Variants in POLA1 observed in about 807,000 individuals in gnomAD.
POLA1 encodes DNA polymerase alpha 1, catalytic subunit, also known as DNA polymerase alpha catalytic subunit.
Under a neutral mutation model 124.0 loss-of-function variants are expected in POLA1, and 15 were observed. The observed-to-expected ratio is 0.12, with a 90% CI of 0.08 to 0.19. The LOEUF (loss-of-function observed/expected upper bound fraction) is 0.19, where lower values mean the gene tolerates loss of function less well. Among genes scored for constraint, POLA1 ranks in the 10% least tolerant of loss-of-function variants. The pLI is 1.00. For missense variants in POLA1, 886 were observed against 1,103.4 expected, an observed-to-expected ratio of 0.80 and a Z score of 2.79; for synonymous variants, 408 against 389.4, an observed-to-expected ratio of 1.05 and a Z score of -0.56.
chrX:24,771,574 G>C (rs1395466281), intron 26 of POLA1, among the ~76,000 whole-genome samples: 1 of 111,302 alleles, frequency 9.0e-6, no homozygotes, highest in Non-Finnish European at 1.9e-5. Context: ...GGAAGACAAG[G>C]AGTGTTGGTT....
At chrX:24,885,954 A>G (rs1003768914) in intron 34 of POLA1, among the ~76,000 whole-genome samples, 5 of 112,567 alleles carry the variant, frequency 4.4e-5, no homozygotes, top group African/African-American at 1.3e-4. Flanking sequence ...AGTTTCAGAA[A>G]TAGTAAAACG....
At chrX:24,994,381 G>GT (rs2048574034) in intron 36 of POLA1, among the ~76,000 whole-genome samples, 1 of 112,703 alleles carries the variant, frequency 8.9e-6, no homozygotes, top group Non-Finnish European at 1.9e-5. Context: ...CGGGTGTTTT[G>GT]TAGACTTCCC....
intron 29 of POLA1, among the ~76,000 whole-genome samples, chrX:24,813,540 G>A (rs921068586): frequency 2.7e-5 from 3 of 112,555 alleles, no homozygotes; most frequent in Admixed American, 9.3e-5. Flanking sequence ...TAGGCCGGGT[G>A]CAGTGGCTCA....
intron 36 of POLA1, among the ~76,000 whole-genome samples, chrX:24,945,769 A>T (rs2047954208): frequency 9.0e-6 from 1 of 111,083 alleles, no homozygotes; most frequent in Non-Finnish European, 1.9e-5. Flanking sequence ...ATTAAGTTTG[A>T]CTTTGATATA....
chrX:24,776,945 A>C (rs2045150912), intron 26 of POLA1, among the ~76,000 whole-genome samples: 1 of 112,158 alleles, frequency 8.9e-6, no homozygotes, highest in Non-Finnish European at 1.9e-5. Flanking sequence ...ACTCAAGCAA[A>C]TCTTTTGTTT....
chrX:24,912,452 C>T (rs1012538919), intron 35 of POLA1, among the ~76,000 whole-genome samples: 1 of 111,367 alleles, frequency 9.0e-6, no homozygotes, highest in African/African-American at 3.3e-5. Flanking sequence ...AAAATGTTTT[C>T]AAATTACATA....
Position 24,843,633 on chromosome X carries a change from A to C in POLA1, c.4003A>C (p.Lys1335Gln). The C allele has an allele frequency of 1.7e-6, 2 of 1,186,227 alleles. No homozygotes were observed. The highest frequency in any genetic ancestry group is 6.0e-5 in the East Asian group (2 of 33,357). The change falls in exon 34 of 37, where the codon AAA becomes CAA. Residue 1335 changes from lysine (K) to glutamine (Q), a missense_variant. Lys to Gln is a moderately conservative substitution (Grantham distance 53). Coordinates refer to ENST00000379068, the MANE Select transcript of POLA1 (RefSeq NM_001330360.2). ...GACCTTTACAGTACAACTGAGCAACAAATTGATCATGGACATTAGACGTTT... is the reference window on the plus strand; with the variant it reads ...GACCTTTACAGTACAACTGAGCAACCAATTGATCATGGACATTAGACGTTT... Reference protein sequence around the residue: ...PLTFTVQLSNKLIMDIRRFIK... With the variant: ...PLTFTVQLSNQLIMDIRRFIK...
chrX:24,984,919 C>A (rs1481951871), intron 36 of POLA1, among the ~76,000 whole-genome samples: 1 of 110,999 alleles, frequency 9.0e-6, no homozygotes, highest in Non-Finnish European at 1.9e-5. Flanking sequence ...CTCGGCCTCC[C>A]AAAGTGCTGG....
At chrX:24,961,567 T>G (rs185440446) in intron 36 of POLA1, among the ~76,000 whole-genome samples, 1 of 110,887 alleles carries the variant, frequency 9.0e-6, no homozygotes, top group East Asian at 2.8e-4. Context: ...TATTTCCTCT[T>G]CGAGTGCCCA....
intron 29 of POLA1, among the ~76,000 whole-genome samples, chrX:24,813,549 C>A (rs932487209): frequency 2.8e-4 from 31 of 112,479 alleles, no homozygotes; most frequent in Non-Finnish European, 7.5e-5. Context: ...TGCAGTGGCT[C>A]ACGCCCATAA....
intron 34 of POLA1, among the ~76,000 whole-genome samples, chrX:24,854,812 G>A (rs1165663312): frequency 2.8e-5 from 3 of 108,048 alleles, no homozygotes; most frequent in African/African-American, 1.0e-4. Flanking sequence ...CTGGGCGACA[G>A]AGTGGGACTC....
At chrX:24,742,610 C>T (rs949138321) in intron 22 of POLA1, among the ~76,000 whole-genome samples, 2 of 112,117 alleles carry the variant, frequency 1.8e-5, no homozygotes, top group African/African-American at 6.5e-5. Flanking sequence ...TTAATTAATT[C>T]AGAAATGGGA....
At chrX:24,733,140 C>T (rs763499791) in intron 16 of POLA1, among the ~76,000 whole-genome samples, 18 of 111,966 alleles carry the variant, frequency 1.6e-4, no homozygotes, top group Admixed American at 9.5e-4. Flanking sequence ...GTCTGGTTTT[C>T]TTGGGTGTTA....
intron 35 of POLA1, among the ~76,000 whole-genome samples, chrX:24,903,784 G>A (rs1279104693): frequency 4.5e-5 from 5 of 111,155 alleles, no homozygotes; most frequent in African/African-American, 1.6e-4. Context: ...GTAAGATGGA[G>A]TAAGAATAGT....
chrX:24,990,736 G>A (rs1301176253), intron 36 of POLA1, among the ~76,000 whole-genome samples: 2 of 111,997 alleles, frequency 1.8e-5, no homozygotes, highest in Admixed American at 9.5e-5. Context: ...AATTGGAAGC[G>A]TCTGTCATGG....
intron 34 of POLA1, among the ~76,000 whole-genome samples, chrX:24,883,795 G>A (rs781447874): frequency 9.8e-5 from 11 of 111,973 alleles, no homozygotes; most frequent in African/African-American, 1.6e-4. Context: ...ATAAAATTAC[G>A]TATTTGGATA....
chrX:24,914,079 A>G (rs990631510), intron 35 of POLA1, among the ~76,000 whole-genome samples: 2 of 110,144 alleles, frequency 1.8e-5, no homozygotes, highest in Non-Finnish European at 3.8e-5. Context: ...CTTTTTAGCC[A>G]GGCACACTAG....
rs374687236 is a variant in POLA1, at chrX:24,749,010, A to G, written c.2964+18A>G. The G allele has an allele frequency of 8.6e-6, 10 of 1,157,112 alleles. No homozygotes were observed. The highest frequency in any genetic ancestry group is 4.7e-6 in the Non-Finnish European group (4 of 847,180). ...GAAGGGAGGTAAATGGCGTAATAACATTCACATCTCTAGATATGAGAGTAT... is the reference window on the plus strand; with the variant it reads ...GAAGGGAGGTAAATGGCGTAATAACGTTCACATCTCTAGATATGAGAGTAT... On this transcript the variant is annotated intron_variant, in intron 26 of 36. Transcript: ENST00000379068.
At chrX:24,802,082 C>T (rs1244607245) in intron 26 of POLA1, among the ~76,000 whole-genome samples, 1 of 109,780 alleles carries the variant, frequency 9.1e-6, no homozygotes, top group Non-Finnish European at 1.9e-5. Flanking sequence ...AGAATTCGTT[C>T]TCCCTTGAGA....
Sources: gnomAD v4.1 joint callset for allele counts (sites outside exome capture counted in the v4.1 genomes callset) on GRCh38, gnomAD v4.1.1 for gene constraint, MANE v1.5 for transcripts, NCBI Gene and HGNC (gene_info 2026-07-23, HGNC 2026-07-21) for gene names.